IRX6: variants seen among roughly 807,000 people sequenced by gnomAD.
IRX6 encodes the protein iroquois-class homeodomain protein IRX-6.
Under a neutral mutation model 47.7 loss-of-function variants are expected in IRX6, and 46 were observed. The observed-to-expected ratio is 0.96, with a 90% confidence interval of 0.76 to 1.23. The LOEUF (loss-of-function observed/expected upper bound fraction) is 1.23, where lower values mean the gene tolerates loss of function less well. IRX6 is among the 50% of genes most tolerant of loss of function. The pLI, the probability that IRX6 is intolerant of heterozygous loss-of-function variation, is 0.00. For synonymous variants in IRX6, 265 were observed against 246.2 expected, an observed-to-expected ratio of 1.08 and a Z score of -0.72; for missense variants, 722 against 588.0, an observed-to-expected ratio of 1.23 and a Z score of -2.36.
In IRX6 at chr16:55,330,450, A is replaced by C; in HGVS notation, c.*145A>C. The C allele has an allele frequency of 6.1e-6, 5 of 816,992 alleles. No homozygotes were observed. The South Asian group carries it at 7.5e-5, about 12-fold the overall frequency. The allele number at this position is 816,992 out of a possible 1,614,324, so 50.6% of individuals were successfully genotyped here. ...ACAGACACACAGAAACCCTCCTAGC[A>C]GCTGTCCTTGCACGCAGAGCTGGGG... On this transcript the variant is annotated 3_prime_UTR_variant, in exon 6 of 6. Coordinates refer to ENST00000290552, the MANE Select transcript of IRX6 (RefSeq NM_024335.3).
rs778667581 is a variant in IRX6, at chr16:55,327,825, G to C, written c.653G>C (p.Gly218Ala). Residue 218 changes from glycine to alanine, a missense_variant, in exon 4 of 6, where the codon GGT (glycine) becomes GCT (alanine). Coordinates refer to ENST00000290552, the MANE Select transcript of IRX6 (RefSeq NM_024335.3). The stretch of plus-strand genomic sequence containing the variant: ...ATGACATGGGCGCCCAAGAACAAAG[G>C]TGGGGAGGAGAGGAAGGCAGAGGGA... ...NKMTWAPKNK[G>A]GEERKAEGGE... 1 of 1,613,150 alleles carries C rather than the reference G, an allele frequency of 6.2e-7. No homozygotes were observed. The highest frequency in any genetic ancestry group is 2.2e-5 in the East Asian group (1 of 44,866).
intron 2 of IRX6, 135 bp downstream of exon 2, chr16:55,326,728 G>A: frequency 1.2e-6 from 1 of 849,836 alleles, no homozygotes; most frequent in Non-Finnish European, 1.7e-6. Context: ...AAAAAATACA[G>A]TACCTTACAG....
In IRX6 at chr16:55,325,084, C is replaced by T. The variant is rs1399769234; in HGVS notation, c.-8C>T. On this transcript the variant is annotated 5_prime_UTR_variant, in exon 1 of 6. Transcript: ENST00000290552. Reference sequence around the variant, plus strand: ...AGGGAAGAGAGAGACGGGCCAGGGACAGCCACCATGTCCTTCCCACACTTT... The same window carrying T: ...AGGGAAGAGAGAGACGGGCCAGGGATAGCCACCATGTCCTTCCCACACTTT... 1.9e-6 allele frequency: 3 copies of T among 1,614,014 alleles called. No individual in the cohort carries two copies. The highest frequency in any genetic ancestry group is 1.7e-6 in the Non-Finnish European group (2 of 1,179,974).
intron 2 of IRX6, chr16:55,327,071 T>G (rs1185669196): frequency 1.1e-5 from 6 of 550,310 alleles, no homozygotes; most frequent in Non-Finnish European, 1.9e-5. Context: ...TGCCAAGCAT[T>G]CTGCCAGCAT....
Position 55,330,518 on chromosome 16 carries a change from C to T in IRX6, c.*213C>T. 3.4e-6 allele frequency: 2 copies of T among 590,176 alleles called. No individual in the cohort carries two copies. The highest frequency in any genetic ancestry group is 4.6e-4 in the Middle Eastern group (1 of 2,186). The allele number at this position is 590,176 out of a possible 1,614,324, so 36.6% of individuals were successfully genotyped here. Reference sequence around the variant, plus strand: ...CCTTAGCAGTCCCCACGGGAGATGGCAGGGCACCTTGGGGAAGGCCAAGTG... The same window carrying T: ...CCTTAGCAGTCCCCACGGGAGATGGTAGGGCACCTTGGGGAAGGCCAAGTG... On this transcript the variant is annotated 3_prime_UTR_variant, in exon 6 of 6. Transcript: ENST00000290552.
At position 55,325,056 on chromosome 16, in the gene IRX6, G is replaced by T. The variant is rs763486707; in HGVS notation, c.-36G>T. The stretch of plus-strand genomic sequence containing the variant: ...AACAGCTGGGCTGAGACGGGAACTC[G>T]ACAGGGAAGAGAGAGACGGGCCAGG... On this transcript the variant is annotated 5_prime_UTR_variant, in exon 1 of 6. Coordinates refer to ENST00000290552, the MANE Select transcript of IRX6 (RefSeq NM_024335.3). 2.5e-5 allele frequency: 41 copies of T among 1,612,200 alleles called. No homozygotes were observed. The highest frequency in any genetic ancestry group is 5.5e-5 in the South Asian group (5 of 91,050).
At position 55,325,555 on chromosome 16, in the gene IRX6, GAGAGAGAA is replaced by G. The variant is rs1567338593; in HGVS notation, c.45+423_45+430del. On this transcript the variant is annotated intron_variant, in intron 1 of 5. Coordinates refer to ENST00000290552, the MANE Select transcript of IRX6 (RefSeq NM_024335.3). Reference sequence around the variant, plus strand: ...GGAGAGAGAGAGAGAGAGAGAGAGAGAGAGAGAAAGAAAGAGAAAGAAAGAAAGAAGGA... The same window carrying G: ...GGAGAGAGAGAGAGAGAGAGAGAGAGAGAAAGAGAAAGAAAGAAAGAAGGA... 3.8e-4 allele frequency among the ~76,000 whole-genome samples: 31 copies of G among 82,116 alleles called. 5 individuals are homozygous for G. The highest frequency in any genetic ancestry group is 1.4e-3 in the African/African-American group (24 of 17,574). The allele number at this position is 82,116 out of a possible 152,430, so 53.9% of individuals were successfully genotyped here.
Position 55,327,298 on chromosome 16 carries a change from T to C in IRX6, c.306T>C (p.Asn102=), listed in dbSNP as rs1384721331. ...PEPPSLYGAL[N]PQYEFKEAAG... ...ATTCTCTTTTCCTCTCCCTCTAGAA[T>C]CCACAGTATGAATTTAAGGAGGCTG... The change falls in exon 3 of 6, where the codon AAT becomes AAC. Residue 102 remains asparagine, a splice_region_variant and synonymous_variant. Coordinates refer to ENST00000290552, the MANE Select transcript of IRX6 (RefSeq NM_024335.3). The C allele has an allele frequency of 3.1e-6, 5 of 1,611,030 alleles. No individual in the cohort carries two copies. The highest frequency in any genetic ancestry group is 4.2e-6 in the Non-Finnish European group (5 of 1,177,296).
At position 55,328,922 on chromosome 16, in the gene IRX6, G is replaced by T; in HGVS notation, c.944G>T (p.Arg315Leu). ...ERRECGLAAP[R>L]FSFNDPSGSE... Reference sequence around the variant, plus strand: ...AGGGAGTGCGGCCTGGCTGCGCCCCGCTTCTCCTTCAATGACCCTTCCGGA... The same window carrying T: ...AGGGAGTGCGGCCTGGCTGCGCCCCTCTTCTCCTTCAATGACCCTTCCGGA... The change falls in exon 5 of 6, where the codon CGC becomes CTC. Residue 315 changes from arginine to leucine, a missense_variant. Transcript: ENST00000290552. The T allele has an allele frequency of 1.2e-6, 2 of 1,613,316 alleles. No individual in the cohort carries two copies. Among genetic ancestry groups the T allele is most frequent in the Non-Finnish European group, 1.7e-6 (2 of 1,180,000 alleles).
At chr16:55,330,259 A>G (rs1435418860) in intron 5 of IRX6, 39 bp from the exon 6 acceptor site, 30 of 1,609,090 alleles carry the variant, frequency 1.9e-5, no homozygotes, top group Non-Finnish European at 2.3e-5. Context: ...AATTGCCACT[A>G]AACAGCCTTT....
At chr16:55,326,738 G>T in intron 2 of IRX6, 145 bp downstream of exon 2, 3 of 776,226 alleles carry the variant, frequency 3.9e-6, no homozygotes, top group Non-Finnish European at 5.8e-6. Context: ...GTACCTTACA[G>T]TTTGCAGAAC....
chr16:55,328,917 G>T lies in IRX6; in HGVS notation c.939G>T (p.Ala313=), dbSNP rs774135153. 6.2e-7 allele frequency: 1 copy of T among 1,613,230 alleles called. No individual in the cohort carries two copies. The highest frequency in any genetic ancestry group is 1.7e-5 in the Admixed American group (1 of 60,026). The change falls in exon 5 of 6, where the codon GCG becomes GCT. Residue 313 remains alanine, a synonymous_variant. Coordinates refer to ENST00000290552, the MANE Select transcript of IRX6 (RefSeq NM_024335.3). The part of the protein sequence containing the change: ...RLERRECGLA[A]PRFSFNDPSG... ...AGCGCAGGGAGTGCGGCCTGGCTGC[G>T]CCCCGCTTCTCCTTCAATGACCCTT...
rs777694796 is a variant in IRX6 at position 55,330,357 on chromosome 16, A to ATCC, written c.*52_*53insTCC. On this transcript the variant is annotated 3_prime_UTR_variant, in exon 6 of 6. Transcript: ENST00000290552. ...TCTTGGAAATGGGCCCCACGTTTCG[A>ATCC]ATTCATCTCCAGGTTAAGAAGCTGC... The ATCC allele has an allele frequency of 2.5e-6, 4 of 1,591,824 alleles. No individual in the cohort carries two copies.
rs1360749808 is a variant in IRX6, at chr16:55,327,608, G to A, written c.436G>A (p.Gly146Ser). The change falls in exon 4 of 6, where the codon GGC becomes AGC. Residue 146 changes from glycine (G) to serine (S), a missense_variant. Coordinates refer to ENST00000290552, the MANE Select transcript of IRX6 (RefSeq NM_024335.3). ...CAGGTATGGCGCAGTGGAATTGAGT[G>A]GCGCCGGTCGCCGAAAGAACGCGAC... ...YERYGAVELS[G>S]AGRRKNATRE... 1 of 1,606,280 alleles carries A rather than the reference G, an allele frequency of 6.2e-7. No individual in the cohort carries two copies. The highest frequency in any genetic ancestry group is 8.5e-7 in the Non-Finnish European group (1 of 1,176,952).
At chr16:55,329,951 C>T (rs1222119269) in intron 5 of IRX6, among the ~76,000 whole-genome samples, 1 of 152,220 alleles carries the variant, frequency 6.6e-6, no homozygotes, top group East Asian at 1.9e-4. Flanking sequence ...AGGCCAGTGA[C>T]TGCCAATCAG....
chr16:55,327,307 T>C lies in IRX6; in HGVS notation c.315T>C (p.Tyr105=). 6.2e-7 allele frequency: 1 copy of C among 1,612,978 alleles called. No homozygotes were observed. The change falls in exon 3 of 6, where the codon TAT becomes TAC. Residue 105 remains tyrosine, a synonymous_variant. Transcript: ENST00000290552. ...PSLYGALNPQ[Y]EFKEAAGSFT... ...TCCTCTCCCTCTAGAATCCACAGTATGAATTTAAGGAGGCTGCAGGGAGTT... is the reference window on the plus strand; with the variant it reads ...TCCTCTCCCTCTAGAATCCACAGTACGAATTTAAGGAGGCTGCAGGGAGTT...
chr16:55,325,196 C>CGG (rs1960488797), intron 1 of IRX6, 60 bp downstream of exon 1: 1 of 1,524,644 alleles, frequency 6.6e-7, no homozygotes. Context: ...GCCTAGTGCA[C>CGG]GGCGCCTGCC....
Position 55,324,870 on chromosome 16 carries a change from T to G in IRX6, c.-222T>G. ...CTGCCCATCCATGGGCCCTTCTGTC[T>G]TCCGGACCCCACGGGCCGGAGGGGC... On this transcript the variant is annotated 5_prime_UTR_variant, in exon 1 of 6. Coordinates refer to ENST00000290552, the MANE Select transcript of IRX6 (RefSeq NM_024335.3). The surrounding 1 kb of genome is among the most constrained non-coding windows in gnomAD (Gnocchi z 4.4). The G allele has an allele frequency of 1.7e-6, 1 of 595,742 alleles. No homozygotes were observed. The highest frequency in any genetic ancestry group is 3.0e-6 in the Non-Finnish European group (1 of 334,364). The allele number at this position is 595,742 out of a possible 1,614,324, so 36.9% of individuals were successfully genotyped here. A position where few individuals can be genotyped will look rare whatever the true frequency, so the allele number is the denominator to read the frequency against.
At position 55,329,263 on chromosome 16, in the gene IRX6, C is replaced by A; in HGVS notation, c.1285C>A (p.Arg429=). The A allele has an allele frequency of 6.2e-7, 1 of 1,613,146 alleles. No homozygotes were observed. The highest frequency in any genetic ancestry group is 8.5e-7 in the Non-Finnish European group (1 of 1,179,902). The change falls in exon 5 of 6, where the codon CGG becomes AGG. Residue 429 remains arginine, a synonymous_variant. Transcript: ENST00000290552. ...GLPLNCAPCP[R]RSEPVVQCQY... ...ACCGCTGAACTGTGCGCCGTGCCCG[C>A]GGAGGAGCGAGCCTGTAGTGCAGTG...
Sources: gnomAD v4.1 joint callset for allele counts (sites outside exome capture counted in the v4.1 genomes callset) on GRCh38, gnomAD v4.1.1 for gene constraint, Gnocchi (gnomAD v3.1) non-coding constraint, MANE v1.5 for transcripts, NCBI Gene and HGNC (gene_info 2026-07-23, HGNC 2026-07-21) for gene names.